ZNF7: variants seen among roughly 807,000 people sequenced by gnomAD.
ZNF7 encodes zinc finger protein 7.
In ZNF7, 10 loss-of-function variants were observed where a neutral mutation model predicts 12.0. The observed-to-expected ratio is 0.83, with a 90% CI of 0.51 to 1.42. The LOEUF is 1.42. Ranked by LOEUF, ZNF7 falls within the 40% of genes most tolerant of loss-of-function variation. The pLI is 0.00. For synonymous variants in ZNF7, 334 were observed against 295.0 expected, an observed-to-expected ratio of 1.13 and a Z score of -1.35; for missense variants, 854 against 837.2, an observed-to-expected ratio of 1.02 and a Z score of -0.25.
In ZNF7 at chr8:144,842,453, C is replaced by A. The variant is rs777841858; in HGVS notation, c.1346C>A (p.Ala449Asp). 1 of 1,614,090 alleles carries A rather than the reference C, an allele frequency of 6.2e-7. No individual in the cohort carries two copies. Among genetic ancestry groups the A allele is most frequent in the East Asian group, 2.2e-5 (1 of 44,884 alleles). ...KPYKCNKCTK[A>D]FGCSSRLIRH... ...TATAAATGCAACAAGTGTACAAAAG[C>A]CTTTGGTTGTAGTTCACGGCTTATT... Residue 449 changes from alanine (A) to aspartate (D), a missense_variant, in exon 5 of 5, where the codon GCC (alanine) becomes GAC (aspartate). Physicochemically the swap from Ala to Asp is moderately radical, Grantham distance 126. Transcript: ENST00000532777.
At position 144,843,429 on chromosome 8, in the gene ZNF7, A is replaced by C; in HGVS notation, c.*261A>C. ...AGGTGAAACCCCATCTCTACTAAAAATACAAAAATTTAGCTGGGCGTGGTG... is the reference window on the plus strand; with the variant it reads ...AGGTGAAACCCCATCTCTACTAAAACTACAAAAATTTAGCTGGGCGTGGTG... On this transcript the variant is annotated 3_prime_UTR_variant, in exon 5 of 5. Coordinates refer to ENST00000532777, the MANE Select transcript of ZNF7 (RefSeq NM_003416.4). 3.2e-6 allele frequency: 1 copy of C among 307,892 alleles called. No individual in the cohort carries two copies. The highest frequency in any genetic ancestry group is 4.8e-5 in the Admixed American group (1 of 21,026). 19.1% of individuals were successfully genotyped at this position (307,892 alleles called of 1,614,324 possible). A position where few individuals can be genotyped will look rare whatever the true frequency, so the allele number is the denominator to read the frequency against.
At chr8:144,834,105 C>G (rs900107607) in intron 3 of ZNF7, 2 of 152,142 alleles carry the variant, frequency 1.3e-5, no homozygotes, top group African/African-American at 4.8e-5. Context: ...AAGTTGAGTT[C>G]CTAAAAGCCA....
At position 144,842,386 on chromosome 8, in the gene ZNF7, C is replaced by T. The variant is rs575469319; in HGVS notation, c.1279C>T (p.Arg427Cys). The change falls in exon 5 of 5, where the codon CGC becomes TGC. Residue 427 changes from arginine (R) to cysteine (C), a missense_variant. Arg to Cys is a radical substitution (Grantham distance 180). Transcript: ENST00000532777. ...ECGKAFRWIS[R>C]LSQHQLIHTG... ...TGGGAAAGCTTTTAGGTGGATCTCT[C>T]GCCTGAGTCAGCATCAGCTGATTCA... 1.5e-5 allele frequency: 25 copies of T among 1,613,948 alleles called. No homozygotes were observed. Among genetic ancestry groups the T allele is most frequent in the African/African-American group, 2.7e-5 (2 of 75,022 alleles).
chr8:144,831,078 T>C (rs1440382687), intron 3 of ZNF7: 2 of 455,418 alleles, frequency 4.4e-6, no homozygotes, highest in Admixed American at 4.7e-5. Flanking sequence ...GTGCTTGAGC[T>C]TTCTTGCTTG....
chr8:144,838,195 C>T (rs1829307963), intron 4 of ZNF7: 1 of 699,590 alleles, frequency 1.4e-6, no homozygotes, highest in Non-Finnish European at 2.6e-6. Flanking sequence ...GCTGCCTTCT[C>T]CCTGCGTGTC....
intron 4 of ZNF7, chr8:144,840,962 T>C (rs1829818457): frequency 1.5e-5 from 3 of 201,700 alleles, no homozygotes; most frequent in Non-Finnish European, 3.0e-5. Context: ...GACCCTGTAC[T>C]GTTTCCTCGC....
chr8:144,842,631 G>A lies in ZNF7; in HGVS notation c.1524G>A (p.Gln508=). 6.2e-7 allele frequency: 1 copy of A among 1,614,206 alleles called. No homozygotes were observed. Among genetic ancestry groups the A allele is most frequent in the South Asian group, 1.1e-5 (1 of 91,088 alleles). Residue 508 remains glutamine, a synonymous_variant, in exon 5 of 5, where the codon CAG becomes CAA. Transcript: ENST00000532777. ...VCNDCGKAFS[Q]SSSLIYHQRI... ...ATGACTGTGGAAAAGCCTTCAGTCA[G>A]AGTTCCAGCCTTATTTACCATCAGA...
chr8:144,837,726 C>G (rs1333658068), intron 4 of ZNF7, among the ~76,000 whole-genome samples: 2 of 152,210 alleles, frequency 1.3e-5, no homozygotes, highest in African/African-American at 4.8e-5. Flanking sequence ...GACACAAAAA[C>G]CCATGCATTT....
chr8:144,844,986 AC>A (rs1830433763), downstream of ZNF7, among the ~76,000 whole-genome samples: 3 of 152,082 alleles, frequency 2.0e-5, no homozygotes, highest in South Asian at 6.2e-4. Context: ...GTGGGGGTAG[AC>A]CAGCAGACCA....
chr8:144,838,287 T>G (rs1440798644), intron 4 of ZNF7: 1 of 590,862 alleles, frequency 1.7e-6, no homozygotes, highest in Non-Finnish European at 3.1e-6. Context: ...GGTGACTAAT[T>G]AATCTGCAAC....
In ZNF7 at chr8:144,841,861, T is replaced by C. The variant is rs1257356353; in HGVS notation, c.754T>C (p.Cys252Arg). ...NNCHGEKPYE[C>R]AECGKVFRLC... ...CTGCCATGGAGAGAAGCCGTACGAATGTGCAGAGTGTGGGAAAGTCTTCAG... is the reference window on the plus strand; with the variant it reads ...CTGCCATGGAGAGAAGCCGTACGAACGTGCAGAGTGTGGGAAAGTCTTCAG... Residue 252 changes from cysteine (C) to arginine (R), a missense_variant, in exon 5 of 5, where the codon TGT (cysteine) becomes CGT (arginine). Coordinates refer to ENST00000532777, the MANE Select transcript of ZNF7 (RefSeq NM_003416.4). 3.1e-6 allele frequency: 5 copies of C among 1,614,054 alleles called. No individual in the cohort carries two copies. The highest frequency in any genetic ancestry group is 2.2e-5 in the East Asian group (1 of 44,904).
chr8:144,839,678 C>T (rs1829601252), intron 4 of ZNF7, among the ~76,000 whole-genome samples: 2 of 152,346 alleles, frequency 1.3e-5, no homozygotes, highest in Non-Finnish European at 2.9e-5. Flanking sequence ...AGGGATGTAG[C>T]CTCTTAGATA....
Position 144,842,497 on chromosome 8 carries a change from A to G in ZNF7, c.1390A>G (p.Thr464Ala), listed in dbSNP as rs1290152548. 1 of 1,614,122 alleles carries G rather than the reference A, an allele frequency of 6.2e-7. No individual in the cohort carries two copies. The highest frequency in any genetic ancestry group is 8.5e-7 in the Non-Finnish European group (1 of 1,180,008). Reference sequence around the variant, plus strand: ...GCTTATTCGCCATCAGAGAACTCACACTGGAGAAAAACCATTTAAATGTGA... The same window carrying G: ...GCTTATTCGCCATCAGAGAACTCACGCTGGAGAAAAACCATTTAAATGTGA... ...SRLIRHQRTHTGEKPFKCDEC... is the reference protein window; with the variant it reads ...SRLIRHQRTHAGEKPFKCDEC... Residue 464 changes from threonine (T) to alanine (A), a missense_variant, in exon 5 of 5, where the codon ACT (threonine) becomes GCT (alanine). Physicochemically the swap from Thr to Ala is moderately conservative, Grantham distance 58. Coordinates refer to ENST00000532777, the MANE Select transcript of ZNF7 (RefSeq NM_003416.4).
At chr8:144,838,446 G>A (rs1243136080) in intron 4 of ZNF7, 2 of 379,306 alleles carry the variant, frequency 5.3e-6, no homozygotes, top group African/African-American at 2.1e-5. Flanking sequence ...CTGCTCCCCT[G>A]CTTAGCCGGT....
Position 144,837,373 on chromosome 8 carries a change from TCTC to T in ZNF7, c.131-17_131-15del. On this transcript the variant is annotated splice_polypyrimidine_tract_variant and intron_variant, in intron 3 of 4. Coordinates refer to ENST00000532777, the MANE Select transcript of ZNF7 (RefSeq NM_003416.4). ...TCCCGTCATGCTGACACTGTTGTCTTCTCTGCCGCACACACAGCAGGATTCCTG... is the reference window on the plus strand; with the variant it reads ...TCCCGTCATGCTGACACTGTTGTCTTTGCCGCACACACAGCAGGATTCCTG... 1 of 1,589,998 alleles carries T rather than the reference TCTC, an allele frequency of 6.3e-7. No homozygotes were observed. Among genetic ancestry groups the T allele is most frequent in the South Asian group, 1.1e-5 (1 of 89,802 alleles).
chr8:144,827,699 GGTCCCCGC>G, intron 1 of ZNF7, 90 bp downstream of exon 1: 1 of 983,128 alleles, frequency 1.0e-6, no homozygotes, highest in Non-Finnish European at 1.2e-6. Flanking sequence ...TCGGCATTGG[GGTCCCCGC>G]GTCCCCCGGG....
At chr8:144,840,045 G>A (rs777321771) in intron 4 of ZNF7, among the ~76,000 whole-genome samples, 2 of 152,180 alleles carry the variant, frequency 1.3e-5, no homozygotes, top group Non-Finnish European at 2.9e-5. Context: ...AGTGATTCTT[G>A]TGCCTCAGCC....
rs773929514 is a variant in ZNF7, at chr8:144,841,854, G to A, written c.747G>A (p.Pro249=). The change falls in exon 5 of 5, where the codon CCG becomes CCA. Residue 249 remains proline (P), a synonymous_variant. Coordinates refer to ENST00000532777, the MANE Select transcript of ZNF7 (RefSeq NM_003416.4). ...KHTNNCHGEK[P]YECAECGKVF... ...CAAATAACTGCCATGGAGAGAAGCC[G>A]TACGAATGTGCAGAGTGTGGGAAAG... 1.9e-5 allele frequency: 31 copies of A among 1,613,988 alleles called. No individual in the cohort carries two copies. The highest frequency in any genetic ancestry group is 4.4e-5 in the South Asian group (4 of 91,090).
In ZNF7 at chr8:144,841,853, C is replaced by A; in HGVS notation, c.746C>A (p.Pro249Gln). The part of the protein sequence containing the change: ...KHTNNCHGEK[P>Q]YECAECGKVF... The stretch of plus-strand genomic sequence containing the variant: ...ACAAATAACTGCCATGGAGAGAAGC[C>A]GTACGAATGTGCAGAGTGTGGGAAA... The change falls in exon 5 of 5, where the codon CCG (proline) becomes CAG (glutamine). Residue 249 changes from proline to glutamine, a missense_variant. Transcript: ENST00000532777. 6.2e-7 allele frequency: 1 copy of A among 1,614,128 alleles called. No homozygotes were observed. Among genetic ancestry groups the A allele is most frequent in the East Asian group, 2.2e-5 (1 of 44,890 alleles).
Sources: gnomAD v4.1 joint callset for allele counts (sites outside exome capture counted in the v4.1 genomes callset) on GRCh38, gnomAD v4.1.1 for gene constraint, MANE v1.5 for transcripts, NCBI Gene and HGNC (gene_info 2026-07-23, HGNC 2026-07-21) for gene names.